Variants in NLGN1 observed in about 807,000 individuals in gnomAD.
NLGN1 encodes neuroligin-1.
Under a neutral mutation model 65.5 loss-of-function variants are expected in NLGN1, and 12 were observed. The observed-to-expected ratio is 0.18, with a 90% CI of 0.12 to 0.30. NLGN1 has a LOEUF of 0.30. Ranked by LOEUF, NLGN1 falls within the 10% of genes least tolerant of loss-of-function variation. NLGN1 has a pLI of 1.00. For missense variants in NLGN1, 750 were observed against 1,007.1 expected (o/e 0.74, Z 3.46); for synonymous variants, 350 against 359.5 (o/e 0.97, Z 0.30).
intron 4 of NLGN1, among the ~76,000 whole-genome samples, chr3:174,053,833 C>A (rs1363142678): frequency 6.6e-6 from 1 of 151,928 alleles, no homozygotes; most frequent in Non-Finnish European, 1.5e-5. Flanking sequence ...TTACATTACA[C>A]ATGATTACTT....
At chr3:173,403,884 T>A (rs2148616723) in intron 1 of NLGN1, among the ~76,000 whole-genome samples, 1 of 152,058 alleles carries the variant, frequency 6.6e-6, no homozygotes, top group East Asian at 1.9e-4. Context: ...AATACGTGTC[T>A]TTTTTTTCCC....
chr3:174,151,911 G>GA (rs533845581), intron 4 of NLGN1, among the ~76,000 whole-genome samples: 136 of 152,046 alleles, frequency 8.9e-4, no homozygotes, highest in African/African-American at 2.9e-3. Context: ...AGTTTGCTGA[G>GA]AAAAAAATAT....
At chr3:173,636,333 T>C (rs1229081734) in intron 3 of NLGN1, among the ~76,000 whole-genome samples, 1 of 152,160 alleles carries the variant, frequency 6.6e-6, no homozygotes, top group Non-Finnish European at 1.5e-5. Context: ...AACAGACGTT[T>C]TCACTGTATA....
chr3:173,679,349 T>C (rs1429376935), intron 3 of NLGN1, among the ~76,000 whole-genome samples: 5 of 151,904 alleles, frequency 3.3e-5, no homozygotes, highest in African/African-American at 1.2e-4. Context: ...GATAAAGGAA[T>C]GAAGGAGCTG....
intron 3 of NLGN1, among the ~76,000 whole-genome samples, chr3:173,776,886 CT>C (rs1780374368): frequency 1.3e-5 from 2 of 151,912 alleles, no homozygotes; most frequent in Non-Finnish European, 1.5e-5. Flanking sequence ...AAAAAGTCAA[CT>C]GAACACACAT....
At chr3:173,673,561 A>G (rs990240865) in intron 3 of NLGN1, among the ~76,000 whole-genome samples, 23 of 152,172 alleles carry the variant, frequency 1.5e-4, no homozygotes, top group Admixed American at 1.4e-3. Context: ...TTGCGGGAGT[A>G]TCAAGCATGG....
At chr3:173,944,281 T>C (rs934142240) in intron 4 of NLGN1, among the ~76,000 whole-genome samples, 6 of 152,052 alleles carry the variant, frequency 3.9e-5, no homozygotes, top group South Asian at 2.1e-4. Flanking sequence ...CAATTGAGCC[T>C]ATTTAAGAAT....
chr3:173,854,071 A>G (rs1253763100), intron 4 of NLGN1, among the ~76,000 whole-genome samples: 1 of 152,026 alleles, frequency 6.6e-6, no homozygotes, highest in Non-Finnish European at 1.5e-5. Flanking sequence ...TAAAATTCAA[A>G]CATCAATCCC....
intron 2 of NLGN1, among the ~76,000 whole-genome samples, chr3:173,572,262 A>G (rs1309464484): frequency 1.3e-5 from 2 of 152,222 alleles, no homozygotes; most frequent in Non-Finnish European, 2.9e-5. Flanking sequence ...AAATATTGGT[A>G]TTTTTACTCC....
intron 4 of NLGN1, among the ~76,000 whole-genome samples, chr3:174,036,202 A>G (rs1731098272): frequency 6.6e-6 from 1 of 152,198 alleles, no homozygotes; most frequent in Admixed American, 6.6e-5. Context: ...TATCAAGATC[A>G]ATGTTACAGT....
intron 4 of NLGN1, among the ~76,000 whole-genome samples, chr3:173,867,498 A>G (rs1730388064): frequency 6.6e-6 from 1 of 152,126 alleles, no homozygotes; most frequent in South Asian, 2.1e-4. Flanking sequence ...TTTATGAATA[A>G]TTCTTTTTCA....
intron 2 of NLGN1, among the ~76,000 whole-genome samples, chr3:173,440,147 C>T (rs889446161): frequency 6.6e-6 from 1 of 152,264 alleles, no homozygotes; most frequent in African/African-American, 2.4e-5. Context: ...CCACAAGATG[C>T]AACTCCTCAT....
At chr3:173,920,003 G>A (rs1741642120) in intron 4 of NLGN1, among the ~76,000 whole-genome samples, 1 of 151,836 alleles carries the variant, frequency 6.6e-6, no homozygotes, top group African/African-American at 2.4e-5. Context: ...AAATATTTTA[G>A]TCATAGGACT....
At chr3:173,732,348 G>A (rs1772988972) in intron 3 of NLGN1, among the ~76,000 whole-genome samples, 1 of 152,062 alleles carries the variant, frequency 6.6e-6, no homozygotes, top group African/African-American at 2.4e-5. Context: ...TCCACATCAC[G>A]TTTTAAACAA....
chr3:174,264,766 TTA>T (rs1363352209), intron 4 of NLGN1, among the ~76,000 whole-genome samples: 1 of 152,010 alleles, frequency 6.6e-6, no homozygotes, highest in East Asian at 1.9e-4. Flanking sequence ...GCTCTGATTT[TTA>T]GAGTTTCCAG....
intron 4 of NLGN1, among the ~76,000 whole-genome samples, chr3:173,929,811 T>G (rs1352229052): frequency 1.3e-5 from 2 of 152,074 alleles, no homozygotes; most frequent in Non-Finnish European, 2.9e-5. Flanking sequence ...TTCAAATGAT[T>G]CTTCTGCCTC....
intron 4 of NLGN1, among the ~76,000 whole-genome samples, chr3:174,135,657 C>T (rs1207595969): frequency 6.6e-6 from 1 of 152,008 alleles, no homozygotes; most frequent in Non-Finnish European, 1.5e-5. Context: ...TGAAATATGA[C>T]CTAATAGAAT....
chr3:173,900,636 C>G (rs923176110), intron 4 of NLGN1, among the ~76,000 whole-genome samples: 3 of 151,932 alleles, frequency 2.0e-5, no homozygotes, highest in Non-Finnish European at 2.9e-5. Context: ...TTTTAATAGG[C>G]AAGATTTACT....
chr3:174,278,235 A>T (rs1290938149), intron 5 of NLGN1, among the ~76,000 whole-genome samples: 1 of 151,992 alleles, frequency 6.6e-6, no homozygotes, highest in Non-Finnish European at 1.5e-5. Context: ...CTTCTGAAAG[A>T]TGAATATTCA....
Sources: allele counts gnomAD v4.1 joint callset (sites outside exome capture counted in the v4.1 genomes callset), GRCh38; gene constraint gnomAD v4.1.1; transcripts MANE v1.5; gene names NCBI Gene and HGNC (gene_info 2026-07-23, HGNC 2026-07-21).